The following LIN28B variants were observed in gnomAD, a reference collection of about 807,000 sequenced individuals.
LIN28B encodes the protein protein lin-28 homolog B.
LIN28B carries 5 observed loss-of-function variants against 21.9 expected under a neutral mutation model. That is an observed-to-expected ratio of 0.23 (90% CI 0.12 to 0.48). The LOEUF is 0.48. LIN28B is among the 20% of genes least tolerant of loss of function. The pLI is 0.98. For synonymous variants in LIN28B, 109 were observed against 111.3 expected, an observed-to-expected ratio of 0.98 and a Z score of 0.13; for missense variants, 245 against 310.5, an observed-to-expected ratio of 0.79 and a Z score of 1.58.
intron 2 of LIN28B, among the ~76,000 whole-genome samples, chr6:105,023,809 A>G (rs1771228857): frequency 6.8e-6 from 1 of 147,526 alleles, no homozygotes; most frequent in Admixed American, 7.1e-5. Context: ...ATTTTACTTT[A>G]GATTTGGAAA....
chr6:105,037,022 C>T (rs9500019), intron 3 of LIN28B, among the ~76,000 whole-genome samples: 3,293 of 152,158 alleles, frequency 0.022, 129 homozygotes, highest in African/African-American at 0.076. Flanking sequence ...TAAATTTTAA[C>T]GTCACTTAAA....
intron 3 of LIN28B, among the ~76,000 whole-genome samples, chr6:105,039,754 G>A (rs527765965): frequency 2.6e-5 from 4 of 152,064 alleles, no homozygotes; most frequent in African/African-American, 7.2e-5. Flanking sequence ...TTTATTTTTA[G>A]GTATTGTAGT....
Position 105,076,250 on chromosome 6 carries a change from A to G in LIN28B, c.384-2164A>G, listed in dbSNP as rs572269143. 1.4e-4 allele frequency among the ~76,000 whole-genome samples: 22 copies of G among 152,162 alleles called. 1 individual carries two copies. The highest frequency in any genetic ancestry group is 2.8e-4 in the Non-Finnish European group (19 of 68,028). On this transcript the variant is annotated intron_variant, in intron 3 of 3. Transcript: ENST00000345080. ...CTTGTTTTTTTTTCTCTTTTTGAAA[A>G]TATGATTCAGTCTGTCCTAAGATAA...
Position 104,995,913 on chromosome 6 carries a change from C to T in LIN28B, c.199-30385C>T, listed in dbSNP as rs1479052894. ...AGGGAAACTTCTTAGATAACTATGT[C>T]TTCTGAGTAAGGTTTAAAAAATATT... On this transcript the variant is annotated intron_variant, in intron 2 of 3. Coordinates refer to ENST00000345080, the MANE Select transcript of LIN28B (RefSeq NM_001004317.4). Among the ~76,000 whole-genome samples, 4 of 151,288 alleles carry T rather than the reference C, an allele frequency of 2.6e-5. No individual in the cohort carries two copies. The East Asian group carries it at 7.7e-4, about 29-fold the overall frequency.
At chr6:105,029,507 G>T (rs1771373399) in intron 3 of LIN28B, among the ~76,000 whole-genome samples, 1 of 152,068 alleles carries the variant, frequency 6.6e-6, no homozygotes, top group Admixed American at 6.5e-5. Context: ...GATAAGGCGA[G>T]ATTTCTCTTT....
intron 3 of LIN28B, among the ~76,000 whole-genome samples, chr6:105,038,285 C>T (rs889949334): frequency 3.9e-5 from 6 of 152,124 alleles, no homozygotes; most frequent in African/African-American, 1.4e-4. Context: ...AAGCACTGGG[C>T]TGAGGGGTAC....
chr6:105,071,359 T>A (rs1308847407), intron 3 of LIN28B, among the ~76,000 whole-genome samples: 1 of 152,184 alleles, frequency 6.6e-6, no homozygotes, highest in Non-Finnish European at 1.5e-5. Flanking sequence ...TTTTAAAAAA[T>A]TATTTCATTA....
rs2114566202 is a variant in LIN28B, at chr6:104,958,214, A to T, written c.126A>T (p.Gly42=). 6.2e-7 allele frequency: 1 copy of T among 1,601,736 alleles called. No homozygotes were observed. Among genetic ancestry groups the T allele is most frequent in the Admixed American group, 1.7e-5 (1 of 59,832 alleles). The part of the protein sequence containing the change: ...GHCKWFNVRM[G]FGFISMINRE... The stretch of plus-strand genomic sequence containing the variant: ...GTAAGTGGTTCAATGTGCGCATGGG[A>T]TTTGGATTCATCTCCATGATAAACC... Residue 42 remains glycine (G), a synonymous_variant, in exon 2 of 4, where the codon GGA becomes GGT. Transcript: ENST00000345080.
intron 2 of LIN28B, among the ~76,000 whole-genome samples, chr6:104,986,861 A>G (rs1394726233): frequency 6.6e-6 from 1 of 152,184 alleles, no homozygotes; most frequent in Admixed American, 6.5e-5. Context: ...TACTACCCTC[A>G]TTTACAACTC....
rs1038135907 is a variant in LIN28B at position 104,962,542 on chromosome 6, T to A, written c.198+4256T>A. On this transcript the variant is annotated intron_variant, in intron 2 of 3. Transcript: ENST00000345080. ...AAATAAAATCATTATTGTTACTGAG[T>A]TAAAGCATTAACAGTATGAGATATG... Among the ~76,000 whole-genome samples, 3 of 152,220 alleles carry A rather than the reference T, an allele frequency of 2.0e-5. No individual in the cohort carries two copies. The Middle Eastern group carries it at 0.011, about 548-fold the overall frequency.
chr6:105,078,079 T>C (rs1772470837), intron 3 of LIN28B, among the ~76,000 whole-genome samples: 1 of 152,214 alleles, frequency 6.6e-6, no homozygotes, highest in Admixed American at 6.5e-5. Context: ...TCTAGTGGGC[T>C]TAATGGTTCT....
chr6:104,971,836 C>G (rs549681359), intron 2 of LIN28B, among the ~76,000 whole-genome samples: 2 of 152,252 alleles, frequency 1.3e-5, no homozygotes, highest in Admixed American at 6.5e-5. Context: ...GTAAATCTTT[C>G]AAATCCATGA....
At chr6:104,997,642 G>A (rs1770640203) in intron 2 of LIN28B, among the ~76,000 whole-genome samples, 1 of 151,780 alleles carries the variant, frequency 6.6e-6, no homozygotes, top group Non-Finnish European at 1.5e-5. Context: ...CAGGTTGAGA[G>A]GTTTGACATT....
rs1036598671 is a variant in LIN28B at position 105,036,629 on chromosome 6, G to A, written c.383+10147G>A. ...TGTGTGGAGCTGAGCTTCATTTGGC[G>A]CTGCATAGGTCTCCCAAGATGCCAT... is the stretch of plus-strand genomic sequence containing the variant. On this transcript the variant is annotated intron_variant, in intron 3 of 3. Coordinates refer to ENST00000345080, the MANE Select transcript of LIN28B (RefSeq NM_001004317.4). Among the ~76,000 whole-genome samples, 14 of 122,294 alleles carry A rather than the reference G, an allele frequency of 1.1e-4. 1 individual carries two copies. The East Asian group carries it at 3.6e-3, about 32-fold the overall frequency. 80.2% of individuals were successfully genotyped at this position (122,294 alleles called of 152,430 possible). A position where few individuals can be genotyped will look rare whatever the true frequency, so the allele number is the denominator to read the frequency against.
chr6:104,964,126 T>C lies in LIN28B; in HGVS notation c.198+5840T>C, dbSNP rs572925867. On this transcript the variant is annotated intron_variant, in intron 2 of 3. Transcript: ENST00000345080. ...TAGTTAGAAATATTACAGATAGTTA[T>C]GTCTATTTTAACCGAGCAGCTCTTT... Among the ~76,000 whole-genome samples the C allele has an allele frequency of 1.1e-4, 16 of 152,358 alleles. 1 individual carries two copies. Among genetic ancestry groups the C allele is most frequent in the Admixed American group, 5.9e-4 (9 of 15,298 alleles).
At chr6:104,949,325 A>G (rs759359625) in intron 2 of LIN28B, among the ~76,000 whole-genome samples, 1 of 152,214 alleles carries the variant, frequency 6.6e-6, no homozygotes, top group Non-Finnish European at 1.5e-5. Flanking sequence ...ATCTGTCATT[A>G]TCTTGTGTCT....
At chr6:104,976,831 C>T (rs936370713) in intron 2 of LIN28B, among the ~76,000 whole-genome samples, 2 of 152,178 alleles carry the variant, frequency 1.3e-5, no homozygotes, top group Admixed American at 6.5e-5. Context: ...GAAGATGAAG[C>T]TCAAGCCAAG....
intron 2 of LIN28B, among the ~76,000 whole-genome samples, chr6:104,996,922 C>T (rs1770618486): frequency 6.6e-6 from 1 of 152,238 alleles, no homozygotes; most frequent in Middle Eastern, 3.4e-3. Context: ...GAGTTTGAGG[C>T]TGCGTGAGCT....
At position 105,081,704 on chromosome 6, in the gene LIN28B, A is replaced by G. The variant is rs1020178008; in HGVS notation, c.*2921A>G. On this transcript the variant is annotated 3_prime_UTR_variant, in exon 4 of 4. Coordinates refer to ENST00000345080, the MANE Select transcript of LIN28B (RefSeq NM_001004317.4). ...AAACAGAACACGGAAGCAGTCTTAG[A>G]AGCACCACTTTGCCCAGAGGTGGAG... The G allele has an allele frequency of 6.6e-6, 1 of 152,454 alleles. No homozygotes were observed. The highest frequency in any genetic ancestry group is 2.1e-4 in the South Asian group (1 of 4,826). 9.4% of individuals were successfully genotyped at this position (152,454 alleles called of 1,614,324 possible).
Sources: gnomAD v4.1 joint callset for allele counts (sites outside exome capture counted in the v4.1 genomes callset) on GRCh38, gnomAD v4.1.1 for gene constraint, MANE v1.5 for transcripts, NCBI Gene and HGNC (gene_info 2026-07-23, HGNC 2026-07-21) for gene names.